The following DISP1 variants were observed in gnomAD, a reference collection of about 807,000 sequenced individuals.
DISP1 encodes dispatched RND transporter family member 1.
A neutral mutation model predicts 37.3 loss-of-function variants in DISP1; 30 were observed. The observed-to-expected ratio is 0.80, with a 90% CI of 0.60 to 1.09. The LOEUF is 1.09. Ranked by LOEUF, DISP1 falls within the 50% of genes least tolerant of loss-of-function variation. The pLI is 0.00. For missense variants in DISP1, 1,598 were observed against 1,879.5 expected, an observed-to-expected ratio of 0.85 and a Z score of 2.77; for synonymous variants, 634 against 690.2, an observed-to-expected ratio of 0.92 and a Z score of 1.28.
At chr1:222,848,746 A>G (rs1668057854) in intron 1 of DISP1, among the ~76,000 whole-genome samples, 1 of 152,184 alleles carries the variant, frequency 6.6e-6, no homozygotes. Context: ...AGACATATAA[A>G]TAAATAAATA....
At chr1:222,846,250 G>C (rs1183456248) in intron 1 of DISP1, among the ~76,000 whole-genome samples, 1 of 152,236 alleles carries the variant, frequency 6.6e-6, no homozygotes, top group African/African-American at 2.4e-5. Context: ...CCAGCACTTT[G>C]GGAGGCCAAG....
intron 3 of DISP1, among the ~76,000 whole-genome samples, chr1:222,943,896 G>A (rs943950180): frequency 1.7e-4 from 26 of 152,218 alleles, no homozygotes; most frequent in African/African-American, 6.0e-4. Context: ...TGGGCGTGGT[G>A]GTGCATGCCT....
chr1:222,851,580 A>C (rs181053294), intron 1 of DISP1, among the ~76,000 whole-genome samples: 1 of 152,214 alleles, frequency 6.6e-6, no homozygotes, highest in Non-Finnish European at 1.5e-5. Context: ...GTGGATTTGC[A>C]TCATAGTATT....
intron 3 of DISP1, among the ~76,000 whole-genome samples, chr1:222,976,518 A>G (rs182120401): frequency 2.0e-5 from 3 of 152,070 alleles, no homozygotes; most frequent in Admixed American, 6.5e-5. Context: ...GAGGGATCTA[A>G]TGTTTTCCTA....
At chr1:222,927,640 A>T (rs775646262) in intron 1 of DISP1, among the ~76,000 whole-genome samples, 1 of 152,184 alleles carries the variant, frequency 6.6e-6, no homozygotes, top group African/African-American at 2.4e-5. Flanking sequence ...CAAGAATTGC[A>T]TACATATTTT....
At chr1:222,883,445 G>C (rs190160948) in intron 1 of DISP1, among the ~76,000 whole-genome samples, 1 of 151,960 alleles carries the variant, frequency 6.6e-6, no homozygotes. Context: ...TGGTAAAACC[G>C]CGTCGCTACT....
At position 222,889,426 on chromosome 1, in the gene DISP1, A is replaced by G. The variant is rs185932217; in HGVS notation, c.-158-39004A>G. On this transcript the variant is annotated intron_variant, in intron 1 of 8. Coordinates refer to ENST00000675850, the MANE Select transcript of DISP1 (RefSeq NM_001377229.1). The stretch of plus-strand genomic sequence containing the variant: ...CTCCTGTTTAAAGGGAACTCTTTCA[A>G]GAGATTTTCTGATTAAAGATGAGAG... Among the ~76,000 whole-genome samples the G allele has an allele frequency of 2.9e-3, 448 of 152,200 alleles. 3 individuals are homozygous for G. The highest frequency in any genetic ancestry group is 0.01 in the African/African-American group (435 of 41,550).
At chr1:222,899,378 G>A (rs1348453095) in intron 1 of DISP1, among the ~76,000 whole-genome samples, 1 of 152,132 alleles carries the variant, frequency 6.6e-6, no homozygotes, top group Non-Finnish European at 1.5e-5. Context: ...AATTATCATG[G>A]GTGATTTTCA....
chr1:222,912,200 G>A (rs1672251738), intron 1 of DISP1, among the ~76,000 whole-genome samples: 2 of 152,058 alleles, frequency 1.3e-5, no homozygotes, highest in South Asian at 2.1e-4. Flanking sequence ...AAAATAAGTT[G>A]GAACTTAAAG....
chr1:222,942,491 G>A (rs1054441895), intron 2 of DISP1, among the ~76,000 whole-genome samples: 3 of 151,986 alleles, frequency 2.0e-5, no homozygotes, highest in Non-Finnish European at 4.4e-5. Context: ...ATGCAAAATG[G>A]TCTAGTTCTT....
At chr1:222,922,206 C>T (rs927919384) in intron 1 of DISP1, among the ~76,000 whole-genome samples, 1 of 151,832 alleles carries the variant, frequency 6.6e-6, no homozygotes, top group African/African-American at 2.4e-5. Flanking sequence ...TGTGTGCCAG[C>T]TAAGATGTTT....
intron 1 of DISP1, among the ~76,000 whole-genome samples, chr1:222,861,406 T>C (rs1668872663): frequency 6.6e-6 from 1 of 152,238 alleles, no homozygotes; most frequent in Non-Finnish European, 1.5e-5. Flanking sequence ...GTTGGTTTTG[T>C]TCACTATTTA....
chr1:222,901,881 G>A (rs1349115596), intron 1 of DISP1, among the ~76,000 whole-genome samples: 1 of 152,152 alleles, frequency 6.6e-6, no homozygotes, highest in Non-Finnish European at 1.5e-5. Flanking sequence ...AAAGGAAATT[G>A]AACCCAGATG....
intron 1 of DISP1, among the ~76,000 whole-genome samples, chr1:222,860,471 G>A (rs1033667743): frequency 1.3e-5 from 2 of 152,202 alleles, no homozygotes; most frequent in African/African-American, 4.8e-5. Flanking sequence ...AAGCAGGGAA[G>A]AAGAATGCTA....
At chr1:222,840,822 A>G (rs916369785) in intron 1 of DISP1, among the ~76,000 whole-genome samples, 1 of 152,072 alleles carries the variant, frequency 6.6e-6, no homozygotes, top group African/African-American at 2.4e-5. Context: ...TCGGCCTCCC[A>G]AAGTGCTGGG....
rs1278976909 is a variant in DISP1 at position 223,005,844 on chromosome 1, T to C, written c.4447T>C (p.Cys1483Arg). 6.2e-7 allele frequency: 1 copy of C among 1,614,116 alleles called. No homozygotes were observed. The highest frequency in any genetic ancestry group is 8.5e-7 in the Non-Finnish European group (1 of 1,180,048). Residue 1483 changes from cysteine to arginine, a missense_variant, in exon 9 of 9, where the codon TGT becomes CGT. By Grantham distance (180) the Cys-to-Arg change is radical. Coordinates refer to ENST00000675850, the MANE Select transcript of DISP1 (RefSeq NM_001377229.1). Reference sequence around the variant, plus strand: ...GTCTTGCCCAAATAATTCACAAAGTTGTGGCAGAATTGTGAGAGTGAAGTG... The same window carrying C: ...GTCTTGCCCAAATAATTCACAAAGTCGTGGCAGAATTGTGAGAGTGAAGTG... ...CRSCPNNSQS[C>R]GRIVRVKCNS...
chr1:222,959,885 G>A (rs1675922209), intron 3 of DISP1, among the ~76,000 whole-genome samples: 1 of 149,656 alleles, frequency 6.7e-6, no homozygotes, highest in East Asian at 1.9e-4. Flanking sequence ...AAAAGACAAG[G>A]ACATTACATA....
At chr1:222,857,209 T>C (rs1668603726) in intron 1 of DISP1, among the ~76,000 whole-genome samples, 2 of 152,014 alleles carry the variant, frequency 1.3e-5, no homozygotes. Flanking sequence ...TATACCATGA[T>C]TACATCTGTA....
At chr1:222,836,044 T>C (rs1004205317) in intron 1 of DISP1, among the ~76,000 whole-genome samples, 1 of 152,186 alleles carries the variant, frequency 6.6e-6, no homozygotes, top group Admixed American at 6.5e-5. Context: ...ATAGAGCTTT[T>C]AGTGGACTAT....
Sources: allele counts gnomAD v4.1 joint callset (sites outside exome capture counted in the v4.1 genomes callset), GRCh38; gene constraint gnomAD v4.1.1; transcripts MANE v1.5; gene names NCBI Gene and HGNC (gene_info 2026-07-23, HGNC 2026-07-21).